INPP4A: variants seen among roughly 807,000 people sequenced by gnomAD.
INPP4A encodes inositol polyphosphate-4-phosphatase, type I, 107kD.
A neutral mutation model predicts 119.8 loss-of-function variants in INPP4A; 33 were observed. That is an observed-to-expected ratio of 0.28 (90% CI 0.21 to 0.37). The LOEUF is 0.37. Among genes scored for constraint, INPP4A ranks in the 10% least tolerant of loss-of-function variants. INPP4A has a pLI of 1.00. For missense variants in INPP4A, 956 were observed against 1,289.9 expected (o/e 0.74, Z 3.97); for synonymous variants, 496 against 500.7 (o/e 0.99, Z 0.12).
At chr2:98,459,620 T>G (rs989057804) in intron 1 of INPP4A, among the ~76,000 whole-genome samples, 1 of 152,226 alleles carries the variant, frequency 6.6e-6, no homozygotes, top group African/African-American at 2.4e-5. Context: ...GAGTTCTCTA[T>G]GGACACACCC....
chr2:98,560,097 T>TA (rs1695194825), intron 17 of INPP4A, among the ~76,000 whole-genome samples: 1 of 152,232 alleles, frequency 6.6e-6, no homozygotes, highest in South Asian at 2.1e-4. Flanking sequence ...CTTCAAAGCC[T>TA]AAAATATTTA....
At position 98,519,632 on chromosome 2, in the gene INPP4A, A is replaced by T; in HGVS notation, c.-103-314A>T. ...CTAAGAGACTTGCCAACAGAAGAGC[A>T]TAATAAAGAGAACAAGAAAATCTCG... On this transcript the variant is annotated intron_variant, in intron 2 of 24. Coordinates refer to ENST00000409851, the MANE Select transcript of INPP4A (RefSeq NM_001134225.2). 1.1e-5 allele frequency: 2 copies of T among 183,662 alleles called. 1 individual carries two copies. Among genetic ancestry groups the T allele is most frequent in the South Asian group, 2.1e-4 (2 of 9,678 alleles). 11.4% of individuals were successfully genotyped at this position (183,662 alleles called of 1,614,324 possible). A position where few individuals can be genotyped will look rare whatever the true frequency, so the allele number is the denominator to read the frequency against.
chr2:98,502,812 A>G (rs1683375855), intron 1 of INPP4A, among the ~76,000 whole-genome samples: 2 of 152,204 alleles, frequency 1.3e-5, no homozygotes, highest in Non-Finnish European at 2.9e-5. Context: ...TCAAAGGCAA[A>G]AGATGGCCCT....
At chr2:98,537,648 C>T (rs540199049) in intron 7 of INPP4A, among the ~76,000 whole-genome samples, 5 of 152,260 alleles carry the variant, frequency 3.3e-5, no homozygotes, top group South Asian at 4.1e-4. Context: ...GGTGCGTGTC[C>T]GTTCAGACAC....
rs145122458 is a variant in INPP4A, at chr2:98,505,689, C to G, written c.-165-13275C>G. ...AAGCAGAGCAGAGGAGCCCTGCTCA[C>G]AGAGCCAGCCGTCACCACAGACGCC... On this transcript the variant is annotated intron_variant, in intron 1 of 24. Coordinates refer to ENST00000409851, the MANE Select transcript of INPP4A (RefSeq NM_001134225.2). Among the ~76,000 whole-genome samples the G allele has an allele frequency of 3.2e-3, 483 of 152,322 alleles. 5 individuals carry two copies. The highest frequency in any genetic ancestry group is 0.011 in the African/African-American group (458 of 41,570).
At chr2:98,578,620 G>T (rs1442155928) in intron 24 of INPP4A, among the ~76,000 whole-genome samples, 1 of 152,212 alleles carries the variant, frequency 6.6e-6, no homozygotes, top group Non-Finnish European at 1.5e-5. Flanking sequence ...GCCCAGACCC[G>T]CAAGGGCCCC....
Position 98,456,295 on chromosome 2 carries a change from C to T in INPP4A, c.-166+11210C>T, listed in dbSNP as rs528032383. Among the ~76,000 whole-genome samples, 6 of 152,292 alleles carry T rather than the reference C, an allele frequency of 3.9e-5. No homozygotes were observed. The East Asian group carries it at 9.6e-4, about 24-fold the overall frequency. ...TAAGTTGTAGAAGGTGCTCTGAACA[C>T]GTTACAGGGAGGTTGCCATTGCTAA... On this transcript the variant is annotated intron_variant, in intron 1 of 24. Transcript: ENST00000409851.
At chr2:98,470,679 GT>G (rs928738814) in intron 1 of INPP4A, among the ~76,000 whole-genome samples, 2 of 148,680 alleles carry the variant, frequency 1.3e-5, no homozygotes, top group African/African-American at 4.9e-5. Context: ...TTTTTTTTTT[GT>G]TTTTTGAGAC....
intron 9 of INPP4A, 151 bp from the exon 10 acceptor site, chr2:98,539,377 G>T: frequency 2.6e-6 from 2 of 773,480 alleles, no homozygotes; most frequent in Non-Finnish European, 2.0e-6. Flanking sequence ...GCCACTTGGT[G>T]GGTTTTCGGT....
chr2:98,503,380 C>T (rs1683487047), intron 1 of INPP4A, among the ~76,000 whole-genome samples: 1 of 152,188 alleles, frequency 6.6e-6, no homozygotes, highest in Non-Finnish European at 1.5e-5. Context: ...CTCTCCAGCC[C>T]CATTCTCTGT....
At chr2:98,537,631 TC>T (rs1248333152) in intron 7 of INPP4A, among the ~76,000 whole-genome samples, 5 of 152,188 alleles carry the variant, frequency 3.3e-5, no homozygotes, top group Admixed American at 6.5e-5. Flanking sequence ...CGTCCACACT[TC>T]CCTGTGGTGC....
intron 1 of INPP4A, among the ~76,000 whole-genome samples, chr2:98,483,978 A>G (rs1047864964): frequency 6.6e-6 from 1 of 152,104 alleles, no homozygotes; most frequent in Non-Finnish European, 1.5e-5. Flanking sequence ...ATCTCTTCAC[A>G]TAACTGAAAG....
intron 11 of INPP4A, 62 bp downstream of exon 11, chr2:98,544,069 A>T (rs1211124692): frequency 2.1e-6 from 3 of 1,416,878 alleles, no homozygotes; most frequent in African/African-American, 2.8e-5. Flanking sequence ...ACACACTCTC[A>T]CTCTCACTCA....
intron 1 of INPP4A, among the ~76,000 whole-genome samples, chr2:98,479,018 C>G (rs1437823032): frequency 6.6e-6 from 1 of 152,166 alleles, no homozygotes; most frequent in Non-Finnish European, 1.5e-5. Flanking sequence ...GATACTGGGC[C>G]CTACCCACAG....
chr2:98,506,867 A>C (rs1477655669), intron 1 of INPP4A, among the ~76,000 whole-genome samples: 1 of 152,184 alleles, frequency 6.6e-6, no homozygotes, highest in Non-Finnish European at 1.5e-5. Flanking sequence ...AAGGAAAGGA[A>C]CTCAGCATTT....
In INPP4A at chr2:98,572,823, C is replaced by T. The variant is rs773837709; in HGVS notation, c.2527C>T (p.Arg843Trp). 3.2e-6 allele frequency: 5 copies of T among 1,556,994 alleles called. No homozygotes were observed. Among genetic ancestry groups the T allele is most frequent in the East Asian group, 2.4e-5 (1 of 41,404 alleles). Reference protein sequence around the residue: ...KEVLPEDCLPRSRSQTCLPEL... With the variant: ...KEVLPEDCLPWSRSQTCLPEL... ...CTCCTTTTCTCTTCCAGGCCTGCCT[C>T]GGTCTCGCAGTCAGACGTGCCTGCC... is the stretch of plus-strand genomic sequence containing the variant. The change falls in exon 23 of 25, where the codon CGG becomes TGG. Residue 843 changes from arginine (R) to tryptophan (W), a missense_variant. Coordinates refer to ENST00000409851, the MANE Select transcript of INPP4A (RefSeq NM_001134225.2).
chr2:98,467,535 G>A (rs894698000), intron 1 of INPP4A, among the ~76,000 whole-genome samples: 1 of 152,228 alleles, frequency 6.6e-6, no homozygotes, highest in African/African-American at 2.4e-5. Flanking sequence ...AACAGGTCCA[G>A]TGAACCTAGC....
chr2:98,575,606 T>C (rs1250313422), intron 23 of INPP4A, among the ~76,000 whole-genome samples: 1 of 152,178 alleles, frequency 6.6e-6, no homozygotes, highest in African/African-American at 2.4e-5. Flanking sequence ...TGCCTGAACA[T>C]TGGGTCTTTT....
chr2:98,562,772 T>A (rs1230044450), intron 17 of INPP4A, among the ~76,000 whole-genome samples: 1 of 150,936 alleles, frequency 6.6e-6, no homozygotes, highest in Non-Finnish European at 1.5e-5. Flanking sequence ...GTTCTATTTT[T>A]AAAAAGTTGT....
Sources: gnomAD v4.1 joint callset for allele counts (sites outside exome capture counted in the v4.1 genomes callset) on GRCh38, gnomAD v4.1.1 for gene constraint, MANE v1.5 for transcripts, NCBI Gene and HGNC (gene_info 2026-07-23, HGNC 2026-07-21) for gene names.